The following SV2C variants were observed in gnomAD, a reference collection of about 807,000 sequenced individuals.
SV2C encodes synaptic vesicle glycoprotein 2C.
A neutral mutation model predicts 79.7 loss-of-function variants in SV2C; 49 were observed. The ratio of observed to expected loss-of-function variants is 0.61; its 90% CI spans 0.49 to 0.78. The LOEUF is 0.78. Ranked by LOEUF, SV2C falls within the 30% of genes least tolerant of loss-of-function variation. SV2C has a pLI of 0.00. For missense variants in SV2C, 833 were observed against 912.9 expected (o/e 0.91, Z 1.13); for synonymous variants, 334 against 333.2 (o/e 1.00, Z -0.03).
intron 12 of SV2C, among the ~76,000 whole-genome samples, chr5:76,318,912 C>T (rs10062226): frequency 0.03 from 4,507 of 152,300 alleles, 106 homozygotes; most frequent in Middle Eastern, 0.078. Context: ...CAGGGTTCTG[C>T]AAGCTCTGAG....
the SV2C span, among the ~76,000 whole-genome samples, chr5:76,006,758 C>T: frequency 3.3e-5 from 5 of 151,594 alleles, no homozygotes; most frequent in Non-Finnish European, 5.9e-5. Context: ...CATCAATAAT[C>T]GCTGGTCTAC....
the SV2C span, among the ~76,000 whole-genome samples, chr5:75,883,844 TAAAA>T: frequency 7.1e-6 from 1 of 141,346 alleles, no homozygotes; most frequent in Non-Finnish European, 1.5e-5. Context: ...TAATAATATT[TAAAA>T]AAAAAACAAA....
intron 2 of SV2C, among the ~76,000 whole-genome samples, chr5:76,162,190 G>C (rs941715182): frequency 1.3e-5 from 2 of 152,234 alleles, no homozygotes; most frequent in East Asian, 3.9e-4. Context: ...GTGATGGGAG[G>C]GGATCTTGTC....
the SV2C span, among the ~76,000 whole-genome samples, chr5:75,986,224 C>T: frequency 2.6e-5 from 4 of 151,484 alleles, no homozygotes; most frequent in Admixed American, 2.6e-4. Flanking sequence ...TATGATTAAG[C>T]TAAGGATCTT....
At chr5:75,953,944 T>G in the SV2C span, among the ~76,000 whole-genome samples, 4 of 151,918 alleles carry the variant, frequency 2.6e-5, no homozygotes, top group Non-Finnish European at 2.9e-5. Context: ...TATTCTGGAG[T>G]GTGCTTCTGG....
rs752330366 is a variant in SV2C, at chr5:76,328,563, A to AGAT, written c.*3018_*3020dup. 1 of 152,228 alleles carries AGAT rather than the reference A, an allele frequency of 6.6e-6. No homozygotes were observed. The highest frequency in any genetic ancestry group is 1.5e-5 in the Non-Finnish European group (1 of 68,054). 9.4% of individuals were successfully genotyped at this position (152,228 alleles called of 1,614,324 possible). A position where few individuals can be genotyped will look rare whatever the true frequency, so the allele number is the denominator to read the frequency against. On this transcript the variant is annotated 3_prime_UTR_variant, in exon 13 of 13. Transcript: ENST00000502798. ...AGAGTACAGACCTTGGAGACGCGATAGATGGGTCCTAGCCTGACCTTCACC... is the reference window on the plus strand; with the variant it reads ...AGAGTACAGACCTTGGAGACGCGATAGATGATGGGTCCTAGCCTGACCTTCACC...
intron 2 of SV2C, 27 bp downstream of exon 2, chr5:76,132,357 A>C: frequency 1.3e-6 from 2 of 1,567,930 alleles, no homozygotes; most frequent in Non-Finnish European, 1.7e-6. Context: ...AGTGAGGCCA[A>C]CTCTGAAACT....
At chr5:75,953,807 A>G in the SV2C span, among the ~76,000 whole-genome samples, 1 of 151,882 alleles carries the variant, frequency 6.6e-6, no homozygotes, top group Non-Finnish European at 1.5e-5. Context: ...TCAATTTTCC[A>G]TGATGGAAGT....
intron 4 of SV2C, chr5:76,281,078 T>C (rs1221308683): frequency 5.0e-5 from 27 of 541,840 alleles, no homozygotes; most frequent in Non-Finnish European, 7.5e-6. Flanking sequence ...TTAGCACGTG[T>C]AAAGACTAAA....
intron 2 of SV2C, among the ~76,000 whole-genome samples, chr5:76,174,571 A>G (rs1409081980): frequency 1.3e-5 from 2 of 152,248 alleles, no homozygotes; most frequent in Non-Finnish European, 2.9e-5. Flanking sequence ...GCTATAGACC[A>G]GGAATCACCA....
chr5:76,331,088 C>T lies in SV2C; in HGVS notation c.*5541C>T. Reference sequence around the variant, plus strand: ...GGCCAGGCTGGTCTCCAACTCCTAACTTCAAGTGATCTACCCACCTTGGCC... The same window carrying T: ...GGCCAGGCTGGTCTCCAACTCCTAATTTCAAGTGATCTACCCACCTTGGCC... On this transcript the variant is annotated 3_prime_UTR_variant, in exon 13 of 13. Transcript: ENST00000502798. 6.6e-6 allele frequency: 1 copy of T among 152,382 alleles called. No individual in the cohort carries two copies. The highest frequency in any genetic ancestry group is 1.5e-5 in the Non-Finnish European group (1 of 68,116). The allele number at this position is 152,382 out of a possible 1,614,324, so 9.4% of individuals were successfully genotyped here. A position where few individuals can be genotyped will look rare whatever the true frequency, so the allele number is the denominator to read the frequency against.
the SV2C span, among the ~76,000 whole-genome samples, chr5:76,029,468 G>A: frequency 1.4e-4 from 22 of 152,094 alleles, no homozygotes; most frequent in African/African-American, 5.1e-4. Flanking sequence ...ATAGACATGA[G>A]GTGGGATACA....
chr5:75,939,945 C>G, the SV2C span, among the ~76,000 whole-genome samples: 1 of 152,132 alleles, frequency 6.6e-6, no homozygotes, highest in Non-Finnish European at 1.5e-5. Flanking sequence ...TCCCTTGCCC[C>G]GCCTTCAGTT....
At chr5:76,098,142 G>T (rs1580263849) in intron 1 of SV2C, among the ~76,000 whole-genome samples, 1 of 152,134 alleles carries the variant, frequency 6.6e-6, no homozygotes, top group Non-Finnish European at 1.5e-5. Flanking sequence ...TAGGAATCTG[G>T]TGGTTTCTTT....
the SV2C span, among the ~76,000 whole-genome samples, chr5:75,879,335 A>C: frequency 2.0e-5 from 3 of 152,174 alleles, no homozygotes; most frequent in Admixed American, 1.3e-4. Flanking sequence ...TCTGATACTC[A>C]TCTCCTTCCA....
At chr5:75,906,433 C>CTTT in the SV2C span, among the ~76,000 whole-genome samples, 2 of 137,154 alleles carry the variant, frequency 1.5e-5, no homozygotes, top group African/African-American at 2.7e-5. Flanking sequence ...TTCATGTCTG[C>CTTT]TTTTTTTTTT....
chr5:75,927,950 G>A, the SV2C span, among the ~76,000 whole-genome samples: 1,007 of 152,320 alleles, frequency 6.6e-3, 3 homozygotes, highest in Non-Finnish European at 9.5e-3. Context: ...TCCCATATCC[G>A]GGGTTGAGGG....
At chr5:75,982,620 C>T in the SV2C span, among the ~76,000 whole-genome samples, 2 of 152,122 alleles carry the variant, frequency 1.3e-5, no homozygotes, top group Non-Finnish European at 2.9e-5. Context: ...TGGGTATATA[C>T]CCAAAGGAAT....
the SV2C span, among the ~76,000 whole-genome samples, chr5:75,922,094 A>C: frequency 6.6e-6 from 1 of 152,150 alleles, no homozygotes; most frequent in African/African-American, 2.4e-5. Flanking sequence ...TATATATTAA[A>C]AATATGTATA....
Sources: gnomAD v4.1 joint callset for allele counts (sites outside exome capture counted in the v4.1 genomes callset) on GRCh38, gnomAD v4.1.1 for gene constraint, MANE v1.5 for transcripts, NCBI Gene and HGNC (gene_info 2026-07-23, HGNC 2026-07-21) for gene names.